TRAF5: variants seen among roughly 807,000 people sequenced by gnomAD.
TRAF5 encodes the protein TNF receptor-associated factor 5.
Under a neutral mutation model 64.5 loss-of-function variants are expected in TRAF5, and 48 were observed. The observed-to-expected ratio is 0.74, with a 90% CI of 0.59 to 0.95. The LOEUF (loss-of-function observed/expected upper bound fraction) is 0.95. TRAF5 is among the 40% of genes least tolerant of loss of function. TRAF5 has a pLI of 0.00. For synonymous variants in TRAF5, 206 were observed against 240.5 expected (o/e 0.86, Z 1.33); for missense variants, 545 against 662.8 (o/e 0.82, Z 1.95).
chr1:211,339,815 G>A (rs955322049), intron 1 of TRAF5, among the ~76,000 whole-genome samples: 5 of 152,186 alleles, frequency 3.3e-5, no homozygotes, highest in African/African-American at 4.8e-5. Flanking sequence ...GCTGTCAGGC[G>A]GGAGGGAATT....
chr1:211,349,645 GA>G (rs1558137954), intron 1 of TRAF5, among the ~76,000 whole-genome samples: 1 of 152,214 alleles, frequency 6.6e-6, no homozygotes, highest in African/African-American at 2.4e-5. Context: ...TCCAGAGACC[GA>G]AAAGTTGGAG....
At chr1:211,365,987 T>TA (rs1290696891) in intron 8 of TRAF5, among the ~76,000 whole-genome samples, 1 of 152,256 alleles carries the variant, frequency 6.6e-6, no homozygotes, top group Non-Finnish European at 1.5e-5. Flanking sequence ...AATGCATACA[T>TA]ACACACTTAT....
chr1:211,340,250 A>T (rs942079133), intron 1 of TRAF5, among the ~76,000 whole-genome samples: 14 of 152,168 alleles, frequency 9.2e-5, no homozygotes, highest in Non-Finnish European at 1.6e-4. Context: ...CTGGAGCCTC[A>T]TTCACTTTAC....
At chr1:211,336,713 G>A (rs749007387) in intron 1 of TRAF5, among the ~76,000 whole-genome samples, 16 of 152,242 alleles carry the variant, frequency 1.1e-4, no homozygotes, top group Non-Finnish European at 2.2e-4. Context: ...AGGCTGGAGT[G>A]CAGTGGTGTG....
intron 1 of TRAF5, among the ~76,000 whole-genome samples, chr1:211,346,853 A>G (rs1038259872): frequency 3.9e-5 from 6 of 152,240 alleles, no homozygotes; most frequent in African/African-American, 1.2e-4. Context: ...TGGAATTCCT[A>G]AAAAATTCTC....
intron 1 of TRAF5, among the ~76,000 whole-genome samples, chr1:211,345,361 T>C (rs1572064571): frequency 6.8e-6 from 1 of 147,524 alleles, no homozygotes; most frequent in South Asian, 2.2e-4. Context: ...AGCCCTGCGC[T>C]CCCCCCCCCT....
intron 7 of TRAF5, among the ~76,000 whole-genome samples, chr1:211,363,615 TC>T (rs1703254984): frequency 1.3e-5 from 2 of 152,256 alleles, no homozygotes; most frequent in East Asian, 3.9e-4. Context: ...TAAAAAAAAA[TC>T]AGCGAAGAGT....
intron 7 of TRAF5, among the ~76,000 whole-genome samples, chr1:211,361,695 T>A (rs1253710556): frequency 6.0e-5 from 2 of 33,290 alleles, no homozygotes; most frequent in Non-Finnish European, 2.3e-4. Context: ...TATTCGGGTT[T>A]TTTTTTTTTT....
chr1:211,353,652 T>A, intron 2 of TRAF5, 195 bp downstream of exon 2: 1 of 610,232 alleles, frequency 1.6e-6, no homozygotes, highest in Non-Finnish European at 2.9e-6. Flanking sequence ...AATTTACAGA[T>A]ATTTACCTTT....
chr1:211,328,902 TGAG>T (rs1319203235), intron 1 of TRAF5, among the ~76,000 whole-genome samples: 5 of 152,334 alleles, frequency 3.3e-5, no homozygotes, highest in African/African-American at 1.2e-4. Context: ...GGTGAAGCAC[TGAG>T]GCGGTAAATA....
chr1:211,332,809 G>T (rs1702191264), intron 1 of TRAF5, among the ~76,000 whole-genome samples: 1 of 152,202 alleles, frequency 6.6e-6, no homozygotes. Context: ...CACCCTTAAT[G>T]AATGGGAAGT....
At chr1:211,365,342 A>G (rs1703315438) in intron 7 of TRAF5, 34 bp from the exon 8 acceptor site, 1 of 1,583,770 alleles carries the variant, frequency 6.3e-7, no homozygotes, top group African/African-American at 1.4e-5. Flanking sequence ...GGAGCCTCTC[A>G]GCAACCTGAC....
Position 211,370,495 on chromosome 1 carries a change from A to G in TRAF5, c.931-807A>G, listed in dbSNP as rs529590240. On this transcript the variant is annotated intron_variant, in intron 9 of 10. Transcript: ENST00000261464. ...TGTGTATATACATTAATATGCACAG[A>G]TGCTCCTTGACTTACAATGGAGTTA... 1.5e-4 allele frequency among the ~76,000 whole-genome samples: 23 copies of G among 152,296 alleles called. No homozygotes were observed. In the East Asian group the frequency reaches 4.4e-3, roughly 29 times the overall value.
At chr1:211,343,391 C>T (rs1166282854) in intron 1 of TRAF5, among the ~76,000 whole-genome samples, 2 of 152,050 alleles carry the variant, frequency 1.3e-5, no homozygotes, top group African/African-American at 4.8e-5. Context: ...GCTCACTAGG[C>T]CTCCATTTCC....
intron 1 of TRAF5, among the ~76,000 whole-genome samples, chr1:211,343,486 A>G (rs1486677080): frequency 6.6e-6 from 1 of 152,164 alleles, no homozygotes; most frequent in Non-Finnish European, 1.5e-5. Context: ...CAGTTGTGCC[A>G]TCATAGCTCA....
At chr1:211,355,725 A>T (rs903532142) in intron 3 of TRAF5, among the ~76,000 whole-genome samples, 2 of 152,218 alleles carry the variant, frequency 1.3e-5, no homozygotes, top group Non-Finnish European at 2.9e-5. Context: ...AGAAACCCTC[A>T]TATTTTTGCA....
chr1:211,361,248 A>G (rs1703170796), intron 7 of TRAF5, 86 bp downstream of exon 7: 1 of 1,223,220 alleles, frequency 8.2e-7, no homozygotes, highest in Non-Finnish European at 1.2e-6. Flanking sequence ...TCCATCGAGG[A>G]TGGAGAAAGA....
chr1:211,347,344 C>T (rs895086581), intron 1 of TRAF5, among the ~76,000 whole-genome samples: 3 of 152,150 alleles, frequency 2.0e-5, no homozygotes, highest in African/African-American at 7.2e-5. Context: ...TGGGTCCAGG[C>T]TTGAGGAAGC....
In TRAF5 at chr1:211,372,713, G is replaced by T. The variant is rs746706505; in HGVS notation, c.*11G>T. On this transcript the variant is annotated 3_prime_UTR_variant, in exon 11 of 11. Transcript: ENST00000261464. ...CTGGAGGATCTCTAGTCACTGTTAT[G>T]GGGTGATAAGAGGACTTCTTGGGGC... 1 of 1,610,184 alleles carries T rather than the reference G, an allele frequency of 6.2e-7. No individual in the cohort carries two copies. Among genetic ancestry groups the T allele is most frequent in the East Asian group, 2.2e-5 (1 of 44,852 alleles).
Sources: allele counts gnomAD v4.1 joint callset (sites outside exome capture counted in the v4.1 genomes callset), GRCh38; gene constraint gnomAD v4.1.1; transcripts MANE v1.5; gene names NCBI Gene and HGNC (gene_info 2026-07-23, HGNC 2026-07-21).